Variants in TMEM178B observed in about 807,000 individuals in gnomAD.
The protein encoded by TMEM178B is transmembrane protein 178B.
A neutral mutation model predicts 31.0 loss-of-function variants in TMEM178B; 5 were observed. The observed-to-expected ratio is 0.16, with a 90% CI of 0.08 to 0.34. TMEM178B has a LOEUF of 0.34. Among genes scored for constraint, TMEM178B ranks in the 10% least tolerant of loss-of-function variants. The probability of loss-of-function intolerance (pLI) is 1.00; values close to 1 mark genes in which losing one functional copy is unlikely to be tolerated. For missense variants in TMEM178B, 275 were observed against 400.3 expected (o/e 0.69, Z 2.67); for synonymous variants, 164 against 164.0 (o/e 1.00, Z 0.00).
At chr7:141,218,021 G>A (rs1315579229) in intron 2 of TMEM178B, among the ~76,000 whole-genome samples, 1 of 151,866 alleles carries the variant, frequency 6.6e-6, no homozygotes, top group African/African-American at 2.4e-5. Context: ...TTTCCAGCTG[G>A]CCAGGGAGGG....
chr7:141,347,182 G>C (rs1461903056), intron 2 of TMEM178B, among the ~76,000 whole-genome samples: 2 of 152,154 alleles, frequency 1.3e-5, no homozygotes, highest in Non-Finnish European at 2.9e-5. Context: ...TCCAGTCTCA[G>C]GTAGTTCTTG....
chr7:141,164,600 A>G (rs1338873101), intron 1 of TMEM178B, among the ~76,000 whole-genome samples: 2 of 152,178 alleles, frequency 1.3e-5, no homozygotes, highest in Non-Finnish European at 2.9e-5. Flanking sequence ...CTAAGATTCT[A>G]ATTTTTATAT....
At chr7:141,467,089 C>T (rs755023047) in intron 3 of TMEM178B, among the ~76,000 whole-genome samples, 22 of 152,036 alleles carry the variant, frequency 1.4e-4, no homozygotes, top group Non-Finnish European at 2.4e-4. Flanking sequence ...AGCACCTTTG[C>T]CCCACACAAG....
intron 1 of TMEM178B, among the ~76,000 whole-genome samples, chr7:141,147,978 C>T (rs990762636): frequency 2.6e-5 from 4 of 152,294 alleles, no homozygotes; most frequent in Non-Finnish European, 4.4e-5. Context: ...CTGCCACAAA[C>T]CTAGTGGCTT....
intron 2 of TMEM178B, among the ~76,000 whole-genome samples, chr7:141,410,281 T>C (rs771608681): frequency 6.6e-6 from 1 of 152,218 alleles, no homozygotes; most frequent in Non-Finnish European, 1.5e-5. Flanking sequence ...GCTTTGCTAA[T>C]GCAGATGTAA....
chr7:141,355,612 C>T (rs1477598169), intron 2 of TMEM178B, among the ~76,000 whole-genome samples: 2 of 152,194 alleles, frequency 1.3e-5, no homozygotes, highest in Non-Finnish European at 2.9e-5. Context: ...GCATTCAATG[C>T]CGATGCATTC....
intron 1 of TMEM178B, among the ~76,000 whole-genome samples, chr7:141,195,232 G>A (rs952500876): frequency 1.3e-5 from 2 of 152,074 alleles, no homozygotes; most frequent in African/African-American, 2.4e-5. Context: ...CTTTTCTATC[G>A]CATAGTTAGG....
At chr7:141,145,344 C>T (rs1055293371) in intron 1 of TMEM178B, among the ~76,000 whole-genome samples, 2 of 152,226 alleles carry the variant, frequency 1.3e-5, no homozygotes, top group African/African-American at 4.8e-5. Flanking sequence ...CCTCTTCCCT[C>T]AAGGCCCAGG....
chr7:141,121,201 A>G (rs1009783646), intron 1 of TMEM178B, among the ~76,000 whole-genome samples: 2 of 152,134 alleles, frequency 1.3e-5, no homozygotes, highest in Non-Finnish European at 2.9e-5. Context: ...GCCAAATTGT[A>G]TTATGATGAT....
At chr7:141,199,928 A>G (rs1796848667) in intron 1 of TMEM178B, among the ~76,000 whole-genome samples, 1 of 151,790 alleles carries the variant, frequency 6.6e-6, no homozygotes, top group East Asian at 1.9e-4. Flanking sequence ...GCGGGTGCCT[A>G]TAGTCCCAGC....
rs1801538546 is a variant in TMEM178B, at chr7:141,436,284, T to C, written c.497-1324T>C. ...TTTGTTTCTCAGGGTTGAGAAAAGA[T>C]TGTCCAGGCAGGCTGCAGCAGCTGG... On this transcript the variant is annotated intron_variant, in intron 2 of 3. Transcript: ENST00000565468. Among the ~76,000 whole-genome samples the C allele has an allele frequency of 2.0e-5, 3 of 152,272 alleles. No individual in the cohort carries two copies. In the South Asian group the frequency reaches 6.2e-4, roughly 32 times the overall value.
chr7:141,427,912 A>G (rs1801350052), intron 2 of TMEM178B, among the ~76,000 whole-genome samples: 1 of 152,386 alleles, frequency 6.6e-6, no homozygotes, highest in African/African-American at 2.4e-5. Context: ...GACATTTCTC[A>G]AAAGAAGACA....
intron 3 of TMEM178B, among the ~76,000 whole-genome samples, chr7:141,456,797 G>A (rs532374793): frequency 6.6e-6 from 1 of 152,272 alleles, no homozygotes; most frequent in Admixed American, 6.5e-5. Context: ...AAAAGCAGGG[G>A]CAGGAAGATG....
At chr7:141,107,942 T>C (rs1465363395) in intron 1 of TMEM178B, among the ~76,000 whole-genome samples, 1 of 152,200 alleles carries the variant, frequency 6.6e-6, no homozygotes, top group Non-Finnish European at 1.5e-5. Context: ...GGTGATGTGC[T>C]AGAGTTTGTG....
chr7:141,128,413 A>C (rs1037442719), intron 1 of TMEM178B, among the ~76,000 whole-genome samples: 3 of 152,164 alleles, frequency 2.0e-5, no homozygotes, highest in African/African-American at 7.2e-5. Flanking sequence ...CTTATTTGGC[A>C]AGGCAAAACA....
In TMEM178B at chr7:141,473,023, C is replaced by A. The variant is rs1017682873; in HGVS notation, c.*2237C>A. 4.6e-5 allele frequency: 7 copies of A among 151,886 alleles called. No homozygotes were observed. Among genetic ancestry groups the A allele is most frequent in the Admixed American group, 2.0e-4 (3 of 15,242 alleles). 9.4% of individuals were successfully genotyped at this position (151,886 alleles called of 1,614,324 possible). On this transcript the variant is annotated 3_prime_UTR_variant, in exon 4 of 4. Transcript: ENST00000565468. Reference sequence around the variant, plus strand: ...GTTCCCTGTGTGTGGGTGTGCTGGGCGATAGGGTAAGGTGTGCAACGGGAA... The same window carrying A: ...GTTCCCTGTGTGTGGGTGTGCTGGGAGATAGGGTAAGGTGTGCAACGGGAA...
At chr7:141,362,129 A>G (rs894316746) in intron 2 of TMEM178B, among the ~76,000 whole-genome samples, 1 of 152,226 alleles carries the variant, frequency 6.6e-6, no homozygotes, top group Non-Finnish European at 1.5e-5. Context: ...GCATCGAGTC[A>G]TGGCAGAGAA....
intron 2 of TMEM178B, among the ~76,000 whole-genome samples, chr7:141,331,054 A>AAGC (rs1799290933): frequency 1.3e-5 from 2 of 152,200 alleles, no homozygotes; most frequent in Admixed American, 1.3e-4. Context: ...ATTGAGAGGA[A>AAGC]AGCAGGAAGG....
At chr7:141,355,012 G>A (rs1328418631) in intron 2 of TMEM178B, among the ~76,000 whole-genome samples, 1 of 152,104 alleles carries the variant, frequency 6.6e-6, no homozygotes, top group African/African-American at 2.4e-5. Context: ...AGGAATCAAA[G>A]TTGTTTATGT....
Sources: gnomAD v4.1 joint callset for allele counts (sites outside exome capture counted in the v4.1 genomes callset) on GRCh38, gnomAD v4.1.1 for gene constraint, MANE v1.5 for transcripts, NCBI Gene and HGNC (gene_info 2026-07-23, HGNC 2026-07-21) for gene names.